TMEM132C: variants seen among roughly 807,000 people sequenced by gnomAD.
The protein encoded by TMEM132C is transmembrane protein 132C.
In TMEM132C, 29 loss-of-function variants were observed where a neutral mutation model predicts 61.4. The ratio of observed to expected loss-of-function variants is 0.47; its 90% confidence interval spans 0.35 to 0.64. TMEM132C has a LOEUF of 0.64. TMEM132C is among the 30% of genes least tolerant of loss of function. The pLI is 0.00. For missense variants in TMEM132C, 1,408 were observed against 1,476.9 expected (o/e 0.95, Z 0.76); for synonymous variants, 656 against 633.1 (o/e 1.04, Z -0.54).
chr12:128,543,578 A>C (rs1873839870), intron 2 of TMEM132C, among the ~76,000 whole-genome samples: 2 of 152,134 alleles, frequency 1.3e-5, no homozygotes, highest in South Asian at 4.1e-4. Flanking sequence ...CACAGCCATG[A>C]CAACTACAAG....
At chr12:128,334,480 T>A (rs897302301) in intron 1 of TMEM132C, among the ~76,000 whole-genome samples, 2 of 152,238 alleles carry the variant, frequency 1.3e-5, no homozygotes, top group African/African-American at 2.4e-5. Context: ...TAGAAGACGT[T>A]TAACATTTAC....
chr12:128,617,700 G>A (rs1462067360), intron 4 of TMEM132C, among the ~76,000 whole-genome samples: 3 of 152,136 alleles, frequency 2.0e-5, no homozygotes, highest in African/African-American at 7.2e-5. Flanking sequence ...GAATCAGGTA[G>A]GGCAGGTGTA....
At chr12:128,506,762 A>G (rs891850342) in intron 2 of TMEM132C, among the ~76,000 whole-genome samples, 4 of 152,170 alleles carry the variant, frequency 2.6e-5, no homozygotes, top group Admixed American at 2.0e-4. Context: ...GGTTGGGCAC[A>G]TGAAGTAGAC....
intron 1 of TMEM132C, among the ~76,000 whole-genome samples, chr12:128,319,417 G>A (rs1271582177): frequency 6.6e-6 from 1 of 152,034 alleles, no homozygotes; most frequent in African/African-American, 2.4e-5. Context: ...TGGGCCAAGT[G>A]CGGTTCACGT....
chr12:128,500,802 CAT>C (rs1452116288), intron 2 of TMEM132C, among the ~76,000 whole-genome samples: 1 of 152,120 alleles, frequency 6.6e-6, no homozygotes, highest in Admixed American at 6.5e-5. Flanking sequence ...AGAATTATCA[CAT>C]GATTTAGTAG....
intron 1 of TMEM132C, among the ~76,000 whole-genome samples, chr12:128,280,301 A>G (rs749351038): frequency 4.6e-5 from 7 of 152,174 alleles, no homozygotes; most frequent in Non-Finnish European, 1.5e-5. Flanking sequence ...GGCCAGGGGC[A>G]ACATTTTCAA....
At chr12:128,694,627 C>T (rs199955106) in intron 6 of TMEM132C, among the ~76,000 whole-genome samples, 2 of 152,120 alleles carry the variant, frequency 1.3e-5, no homozygotes, top group African/African-American at 2.4e-5. Context: ...CTGGAATGCT[C>T]CACCCCAGAC....
intron 1 of TMEM132C, among the ~76,000 whole-genome samples, chr12:128,365,796 T>G (rs554350425): frequency 6.6e-6 from 1 of 152,164 alleles, no homozygotes; most frequent in Non-Finnish European, 1.5e-5. Flanking sequence ...TAAAAACTCC[T>G]GGGCCCCTTG....
chr12:128,606,368 C>T (rs1451610248), intron 3 of TMEM132C, among the ~76,000 whole-genome samples: 7 of 152,190 alleles, frequency 4.6e-5, no homozygotes, highest in South Asian at 2.1e-4. Context: ...TAGGAGGGGC[C>T]GGGAAGAACT....
chr12:128,347,397 G>GTCTCTCTCTCTCTCTCTC lies in TMEM132C; in HGVS notation c.86-67310_86-67293dup, dbSNP rs55729184. Among the ~76,000 whole-genome samples, 93 of 135,504 alleles carry GTCTCTCTCTCTCTCTCTC rather than the reference G, an allele frequency of 6.9e-4. 2 individuals are homozygous for GTCTCTCTCTCTCTCTCTC. Among genetic ancestry groups the GTCTCTCTCTCTCTCTCTC allele is most frequent in the African/African-American group, 2.0e-3 (66 of 32,890 alleles). 88.9% of individuals were successfully genotyped at this position (135,504 alleles called of 152,430 possible). A position where few individuals can be genotyped will look rare whatever the true frequency, so the allele number is the denominator to read the frequency against. On this transcript the variant is annotated intron_variant, in intron 1 of 8. Transcript: ENST00000435159. ...TGCTGCCATAAGCATGCATATGTAT[G>GTCTCTCTCTCTCTCTCTC]TCTCTCTCTCTCTCTCTCTCTCTCT...
intron 1 of TMEM132C, among the ~76,000 whole-genome samples, chr12:128,322,499 C>G (rs938229234): frequency 4.6e-5 from 7 of 152,254 alleles, no homozygotes; most frequent in African/African-American, 1.4e-4. Flanking sequence ...AAACACTACA[C>G]ACAGTGGGAA....
intron 2 of TMEM132C, among the ~76,000 whole-genome samples, chr12:128,432,000 G>A (rs1042852550): frequency 1.3e-5 from 2 of 152,012 alleles, no homozygotes; most frequent in South Asian, 2.1e-4. Context: ...TGCTCTGTCT[G>A]TGTCGATAAA....
intron 2 of TMEM132C, among the ~76,000 whole-genome samples, chr12:128,462,878 T>C (rs1004906511): frequency 1.3e-5 from 2 of 152,156 alleles, no homozygotes; most frequent in African/African-American, 2.4e-5. Context: ...AACTCCCCAA[T>C]AACAGCAGTT....
intron 5 of TMEM132C, among the ~76,000 whole-genome samples, chr12:128,686,597 G>GA (rs2135645275): frequency 6.6e-6 from 1 of 152,062 alleles, no homozygotes; most frequent in East Asian, 1.9e-4. Flanking sequence ...TGTCTCTGTT[G>GA]AAAAACACAA....
chr12:128,530,430 C>T (rs1873247104), intron 2 of TMEM132C, among the ~76,000 whole-genome samples: 1 of 151,948 alleles, frequency 6.6e-6, no homozygotes, highest in African/African-American at 2.4e-5. Context: ...GAGCACACAT[C>T]CAATAGCACT....
At chr12:128,361,015 A>C (rs542240746) in intron 1 of TMEM132C, among the ~76,000 whole-genome samples, 1 of 152,340 alleles carries the variant, frequency 6.6e-6, no homozygotes, top group East Asian at 1.9e-4. Context: ...GCATTGCTTA[A>C]GGCATTGGAC....
chr12:128,699,647 T>C (rs1954789791), intron 8 of TMEM132C, among the ~76,000 whole-genome samples: 1 of 152,226 alleles, frequency 6.6e-6, no homozygotes, highest in East Asian at 1.9e-4. Flanking sequence ...TAAGGACTCA[T>C]GTGATTTCAC....
intron 1 of TMEM132C, among the ~76,000 whole-genome samples, chr12:128,336,257 C>T (rs1315694310): frequency 2.6e-5 from 4 of 152,106 alleles, no homozygotes; most frequent in East Asian, 3.8e-4. Flanking sequence ...TATATGCATG[C>T]CTATAATACT....
chr12:128,664,367 G>A (rs1477566090), intron 4 of TMEM132C, among the ~76,000 whole-genome samples: 1 of 152,154 alleles, frequency 6.6e-6, no homozygotes, highest in Non-Finnish European at 1.5e-5. Flanking sequence ...AGAAGCCTCT[G>A]GCTTTTTTCA....
Sources: gnomAD v4.1 joint callset for allele counts (sites outside exome capture counted in the v4.1 genomes callset) on GRCh38, gnomAD v4.1.1 for gene constraint, MANE v1.5 for transcripts, NCBI Gene and HGNC (gene_info 2026-07-23, HGNC 2026-07-21) for gene names.